The following TM4SF5 variants were observed in gnomAD, a reference collection of about 807,000 sequenced individuals.
TM4SF5 encodes the protein transmembrane 4 L6 family member 5.
In TM4SF5, 16 loss-of-function variants were observed where a neutral mutation model predicts 22.3. The ratio of observed to expected loss-of-function variants is 0.72; its 90% CI spans 0.49 to 1.09. TM4SF5 has a LOEUF of 1.09. Ranked by LOEUF, TM4SF5 falls within the 50% of genes least tolerant of loss-of-function variation. The pLI is 0.00. For missense variants in TM4SF5, 249 were observed against 266.1 expected (o/e 0.94, Z 0.45); for synonymous variants, 113 against 109.6 (o/e 1.03, Z -0.19).
intron 1 of TM4SF5, 148 bp downstream of exon 1, chr17:4,772,247 A>C: frequency 1.0e-6 from 1 of 984,530 alleles, no homozygotes; most frequent in African/African-American, 1.6e-5. Flanking sequence ...CTCTGGAGTC[A>C]GTCCTGGAGG....
chr17:4,773,151 C>A (rs1038276228), intron 1 of TM4SF5, among the ~76,000 whole-genome samples: 2 of 152,040 alleles, frequency 1.3e-5, no homozygotes, highest in Non-Finnish European at 2.9e-5. Context: ...GTGATCCGCC[C>A]CCCTCGGCCT....
chr17:4,782,780 T>C (rs1917337857), intron 3 of TM4SF5, 74 bp from the exon 4 acceptor site: 4 of 1,573,734 alleles, frequency 2.5e-6, no homozygotes, highest in South Asian at 2.4e-5. Context: ...GCAAATCCCC[T>C]GGGACGTATT....
At chr17:4,776,448 T>C (rs1430179578) in intron 1 of TM4SF5, among the ~76,000 whole-genome samples, 3 of 152,070 alleles carry the variant, frequency 2.0e-5, no homozygotes, top group African/African-American at 7.2e-5. Flanking sequence ...ATTACAGGCA[T>C]GTGCCACCGT....
rs1029122494 is a variant in TM4SF5 at position 4,776,522 on chromosome 17, G to C, written c.178-4267G>C. 6.6e-5 allele frequency among the ~76,000 whole-genome samples: 10 copies of C among 152,216 alleles called. No individual in the cohort carries two copies. In the East Asian group the frequency reaches 1.7e-3, roughly 26 times the overall value. Reference sequence around the variant, plus strand: ...TCGCGATATTGGTCAGGCTGGTTTTGAACTCCCAACCTTAGGTGATCCGCC... The same window carrying C: ...TCGCGATATTGGTCAGGCTGGTTTTCAACTCCCAACCTTAGGTGATCCGCC... On this transcript the variant is annotated intron_variant, in intron 1 of 4. Coordinates refer to ENST00000270560, the MANE Select transcript of TM4SF5 (RefSeq NM_003963.3).
intron 2 of TM4SF5, 121 bp from the exon 3 acceptor site, chr17:4,782,382 A>G (rs1917327828): frequency 7.7e-7 from 1 of 1,304,546 alleles, no homozygotes; most frequent in Non-Finnish European, 1.1e-6. Context: ...CCCGGCATTA[A>G]AAAATACATT....
intron 2 of TM4SF5, among the ~76,000 whole-genome samples, chr17:4,781,113 C>T (rs1275574647): frequency 7.0e-6 from 1 of 143,314 alleles, no homozygotes. Flanking sequence ...CCAGGAGGTC[C>T]AGGCTGCAGT....
At chr17:4,780,119 G>A (rs112953689) in intron 1 of TM4SF5, among the ~76,000 whole-genome samples, 70 of 147,460 alleles carry the variant, frequency 4.7e-4, no homozygotes, top group African/African-American at 1.5e-3. Flanking sequence ...ACAGTGGCAC[G>A]ATCTCAGCTC....
intron 4 of TM4SF5, 27 bp downstream of exon 4, chr17:4,783,064 G>C: frequency 1.2e-6 from 2 of 1,614,140 alleles, no homozygotes; most frequent in Non-Finnish European, 1.7e-6. Context: ...TGGAGTTGTA[G>C]AGGGAACCTG....
chr17:4,775,682 A>G (rs1224805789), intron 1 of TM4SF5, among the ~76,000 whole-genome samples: 1 of 152,128 alleles, frequency 6.6e-6, no homozygotes, highest in Non-Finnish European at 1.5e-5. Context: ...AAGTGAGCAC[A>G]TCTGAGCCCA....
At chr17:4,773,650 C>A (rs1443592304) in intron 1 of TM4SF5, among the ~76,000 whole-genome samples, 2 of 152,166 alleles carry the variant, frequency 1.3e-5, no homozygotes, top group Non-Finnish European at 2.9e-5. Flanking sequence ...AGTATCTTTT[C>A]TTCTACTCCC....
At chr17:4,773,540 C>T (rs1185544625) in intron 1 of TM4SF5, among the ~76,000 whole-genome samples, 4 of 152,278 alleles carry the variant, frequency 2.6e-5, no homozygotes, top group East Asian at 1.9e-4. Context: ...CAGGGGAGAG[C>T]TCCCCTTGGT....
Position 4,783,158 on chromosome 17 carries a change from T to C in TM4SF5, c.*30T>C, listed in dbSNP as rs1354561733. On this transcript the variant is annotated 3_prime_UTR_variant, in exon 5 of 5. Coordinates refer to ENST00000270560, the MANE Select transcript of TM4SF5 (RefSeq NM_003963.3). ...CCACTGACCGCCGGGTTACACCTGC[T>C]CCTTCCTGGACGCTCACTCCCTTGC... The C allele has an allele frequency of 1.3e-6, 2 of 1,580,250 alleles. No homozygotes were observed.
chr17:4,777,959 T>C (rs150219218), intron 1 of TM4SF5, among the ~76,000 whole-genome samples: 8 of 152,072 alleles, frequency 5.3e-5, no homozygotes, highest in South Asian at 2.1e-4. Flanking sequence ...GGTGAGAGGA[T>C]CACTTGAGCC....
chr17:4,783,019 C>T lies in TM4SF5; in HGVS notation c.561C>T (p.Gly187=). The T allele has an allele frequency of 6.2e-7, 1 of 1,614,112 alleles. No individual in the cohort carries two copies. Among genetic ancestry groups the T allele is most frequent in the Non-Finnish European group, 8.5e-7 (1 of 1,179,986 alleles). The stretch of plus-strand genomic sequence containing the variant: ...ACGCGACCATTGGTGTCTTCTGCGG[C>T]GATTGCAGGAAAAAACAGGTGAAAT... ...LVNATIGVFC[G]DCRKKQDTPH Residue 187 remains glycine (G), a synonymous_variant, in exon 4 of 5, where the codon GGC becomes GGT. Coordinates refer to ENST00000270560, the MANE Select transcript of TM4SF5 (RefSeq NM_003963.3).
At chr17:4,776,948 C>T (rs2150646097) in intron 1 of TM4SF5, among the ~76,000 whole-genome samples, 1 of 152,120 alleles carries the variant, frequency 6.6e-6, no homozygotes, top group South Asian at 2.1e-4. Context: ...GCCTGTAATC[C>T]CAGCACTTTT....
rs1917329552 is a variant in TM4SF5, at chr17:4,782,463, G to A, written c.259-40G>A. The A allele has an allele frequency of 3.1e-6, 5 of 1,612,214 alleles. No homozygotes were observed. In the Middle Eastern group the frequency reaches 5.0e-4, roughly 160 times the overall value. On this transcript the variant is annotated intron_variant, in intron 2 of 4. Coordinates refer to ENST00000270560, the MANE Select transcript of TM4SF5 (RefSeq NM_003963.3). The stretch of plus-strand genomic sequence containing the variant: ...CGCTGAGCGTCGTCACCCACAGGTG[G>A]GGAGATTGGGCCTTACCTCCCCTTC...
At chr17:4,782,737 G>T (rs1917336430) in intron 3 of TM4SF5, 98 bp downstream of exon 3, 1 of 1,577,102 alleles carries the variant, frequency 6.3e-7, no homozygotes, top group South Asian at 1.2e-5. Context: ...CGACTTCGAG[G>T]GCACTCGCTC....
chr17:4,780,477 A>G (rs1442615504), intron 1 of TM4SF5, among the ~76,000 whole-genome samples: 1 of 152,182 alleles, frequency 6.6e-6, no homozygotes, highest in Non-Finnish European at 1.5e-5. Flanking sequence ...AGATGAATCA[A>G]TTCATAGCAT....
At position 4,782,496 on chromosome 17, in the gene TM4SF5, C is replaced by T. The variant is rs1917330165; in HGVS notation, c.259-7C>T. 6 of 1,613,890 alleles carry T rather than the reference C, an allele frequency of 3.7e-6. No homozygotes were observed. Among genetic ancestry groups the T allele is most frequent in the Non-Finnish European group, 5.1e-6 (6 of 1,179,922 alleles). On this transcript the variant is annotated splice_region_variant and splice_polypyrimidine_tract_variant and intron_variant, in intron 2 of 4. Coordinates refer to ENST00000270560, the MANE Select transcript of TM4SF5 (RefSeq NM_003963.3). ...GGGCCTTACCTCCCCTTCCACACCA[C>T]ATCCAGATGCTGCGCTCGGTCTTCT...
Sources: allele counts gnomAD v4.1 joint callset (sites outside exome capture counted in the v4.1 genomes callset), GRCh38; gene constraint gnomAD v4.1.1; transcripts MANE v1.5; gene names NCBI Gene and HGNC (gene_info 2026-07-23, HGNC 2026-07-21).